KHDC1: variants seen among roughly 807,000 people sequenced by gnomAD.
KHDC1 encodes the protein KH homology domain-containing protein 1.
In KHDC1, 21 loss-of-function variants were observed where a neutral mutation model predicts 24.7. The ratio of observed to expected loss-of-function variants is 0.85; its 90% confidence interval spans 0.60 to 1.23. The LOEUF (loss-of-function observed/expected upper bound fraction) is 1.23. Ranked by LOEUF, KHDC1 falls within the 50% of genes most tolerant of loss-of-function variation. The pLI is 0.00. For synonymous variants in KHDC1, 98 were observed against 111.7 expected, an observed-to-expected ratio of 0.88 and a Z score of 0.77; for missense variants, 274 against 298.5, an observed-to-expected ratio of 0.92 and a Z score of 0.61.
intron 1 of KHDC1, chr6:73,292,282 C>A: frequency 8.1e-7 from 1 of 1,236,354 alleles, no homozygotes. Context: ...TGCGGTCAAC[C>A]AGGGATGGTA....
chr6:73,262,747 A>G, intron 2 of KHDC1, 27 bp downstream of exon 1: 1 of 985,462 alleles, frequency 1.0e-6, no homozygotes, highest in East Asian at 1.1e-4. Flanking sequence ...TTAGTAAGAA[A>G]TGTGCAAGAT....
chr6:73,279,993 C>G (rs1472231310), intron 2 of KHDC1, among the ~76,000 whole-genome samples: 1 of 152,126 alleles, frequency 6.6e-6, no homozygotes, highest in Non-Finnish European at 1.5e-5. Context: ...ATAGTTCCTA[C>G]TTTTTCTGCG....
At chr6:73,258,674 A>C (rs1023580254) in intron 2 of KHDC1, among the ~76,000 whole-genome samples, 7 of 152,214 alleles carry the variant, frequency 4.6e-5, no homozygotes, top group Non-Finnish European at 8.8e-5. Context: ...AGGTGGAGGG[A>C]GTGATCAACT....
chr6:73,293,860 G>T (rs1767708260), intron 1 of KHDC1, among the ~76,000 whole-genome samples: 1 of 151,978 alleles, frequency 6.6e-6, no homozygotes, highest in Non-Finnish European at 1.5e-5. Context: ...ACAAAAATTA[G>T]CCGGGCATGA....
chr6:73,295,643 C>T (rs993795433), intron 1 of KHDC1, among the ~76,000 whole-genome samples: 7 of 151,752 alleles, frequency 4.6e-5, no homozygotes, highest in African/African-American at 1.7e-4. Context: ...GTCAGGAGTT[C>T]GACACCCGCC....
intron 2 of KHDC1, among the ~76,000 whole-genome samples, chr6:73,280,075 A>C (rs1767375981): frequency 1.3e-5 from 2 of 152,214 alleles, no homozygotes. Flanking sequence ...TGTGATAGCC[A>C]GTCCTACACT....
chr6:73,253,361 G>A (rs6915004), intron 2 of KHDC1, among the ~76,000 whole-genome samples: 113,987 of 151,494 alleles, frequency 0.75, 43,985 homozygotes, highest in Non-Finnish European at 0.83. Flanking sequence ...CAACCATCCC[G>A]GCTAATATGG....
chr6:73,241,587 GGCTGAGGAAC>G lies in KHDC1; in HGVS notation c.646_655del (p.Val216LeufsTer6). The G allele has an allele frequency of 4.3e-6, 7 of 1,614,190 alleles. No individual in the cohort carries two copies. The highest frequency in any genetic ancestry group is 5.1e-6 in the Non-Finnish European group (6 of 1,180,038). On this transcript the variant is annotated frameshift_variant, in exon 5 of 5. Coordinates refer to ENST00000370384, the Ensembl canonical transcript of KHDC1. LOFTEE classifies it low-confidence loss of function (END_TRUNC). ...ACAACCAATCACTTGGTAAGGGGAA[GGCTGAGGAAC>G]GCTAAGACACACGGTTCCACTTATC... is the stretch of plus-strand genomic sequence containing the variant.
intron 2 of KHDC1, chr6:73,275,907 G>C (rs1767283153): frequency 6.5e-6 from 1 of 152,742 alleles, no homozygotes; most frequent in African/African-American, 2.4e-5. Context: ...AAGGCTGATT[G>C]ACGGGCCAGG....
chr6:73,309,870 A>G, exon 1 of KHDC1: 1 of 812,814 alleles, frequency 1.2e-6, no homozygotes, highest in South Asian at 1.7e-5. Context: ...GTCGGGGTCA[A>G]CCCAGACTGG....
chr6:73,249,818 T>C (rs144234624), intron 2 of KHDC1, among the ~76,000 whole-genome samples: 32 of 152,248 alleles, frequency 2.1e-4, no homozygotes, highest in Middle Eastern at 3.4e-3. Flanking sequence ...GTCGTGATCA[T>C]AGCTCACTGC....
intron 2 of KHDC1, chr6:73,268,784 T>C (rs9800483): frequency 0.28 from 42,185 of 152,458 alleles, 6,496 homozygotes; most frequent in African/African-American, 0.41. Context: ...ACGTCCCCAC[T>C]AGACTCAGGA....
At chr6:73,285,903 T>C (rs1046028273) in intron 2 of KHDC1, among the ~76,000 whole-genome samples, 1 of 152,168 alleles carries the variant, frequency 6.6e-6, no homozygotes, top group Non-Finnish European at 1.5e-5. Flanking sequence ...AATCTTATCT[T>C]AACTCCATCC....
chr6:73,301,974 T>A (rs1212174891), intron 1 of KHDC1, among the ~76,000 whole-genome samples: 2 of 152,114 alleles, frequency 1.3e-5, no homozygotes, highest in African/African-American at 4.8e-5. Flanking sequence ...TATAGATTCA[T>A]TTATGTATAT....
intron 2 of KHDC1, among the ~76,000 whole-genome samples, chr6:73,243,626 C>A (rs1766614909): frequency 6.6e-6 from 1 of 152,210 alleles, no homozygotes; most frequent in Non-Finnish European, 1.5e-5. Context: ...ATCCTAGCAA[C>A]AGGTTGCAAA....
At chr6:73,244,556 T>C (rs1396087261) in intron 2 of KHDC1, among the ~76,000 whole-genome samples, 2 of 152,054 alleles carry the variant, frequency 1.3e-5, no homozygotes, top group Admixed American at 1.3e-4. Context: ...AGCTATTAAA[T>C]TTTTGTTAGT....
intron 2 of KHDC1, chr6:73,274,276 T>C (rs1767237749): frequency 6.6e-6 from 1 of 152,268 alleles, no homozygotes; most frequent in African/African-American, 2.4e-5. Context: ...CGGGGCTCAT[T>C]AGGCAATTGC....
At chr6:73,283,739 C>A (rs1767461258) in intron 2 of KHDC1, among the ~76,000 whole-genome samples, 1 of 149,910 alleles carries the variant, frequency 6.7e-6, no homozygotes, top group African/African-American at 2.5e-5. Flanking sequence ...CCCCCAGGTT[C>A]AAATTTTTGT....
chr6:73,275,554 C>T (rs1767273137), intron 2 of KHDC1: 1 of 167,080 alleles, frequency 6.0e-6, no homozygotes, highest in Non-Finnish European at 1.5e-5. Flanking sequence ...GGTGGCTGGT[C>T]ACCTGGAAAA....
Sources: gnomAD v4.1 joint callset for allele counts (sites outside exome capture counted in the v4.1 genomes callset) on GRCh38, gnomAD v4.1.1 for gene constraint, MANE v1.5 for transcripts, NCBI Gene and HGNC (gene_info 2026-07-23, HGNC 2026-07-21) for gene names.